Variants in EP400 observed in about 807,000 individuals in gnomAD.
EP400 encodes E1A binding protein p400, also known as E1A-binding protein p400.
EP400 carries 105 observed loss-of-function variants against 354.1 expected under a neutral mutation model. The observed-to-expected ratio is 0.30, with a 90% CI of 0.25 to 0.35. The LOEUF (loss-of-function observed/expected upper bound fraction) is 0.35, where lower values mean the gene tolerates loss of function less well. Among genes scored for constraint, EP400 ranks in the 10% least tolerant of loss-of-function variants. EP400 has a pLI of 1.00. For synonymous variants in EP400, 1,646 were observed against 1,716.9 expected, an observed-to-expected ratio of 0.96 and a Z score of 1.02; for missense variants, 3,280 against 4,121.0, an observed-to-expected ratio of 0.80 and a Z score of 5.59.
intron 10 of EP400, 116 bp downstream of exon 10, chr12:131,991,572 T>C (rs942244095): frequency 4.7e-5 from 43 of 922,340 alleles, no homozygotes; most frequent in Non-Finnish European, 3.6e-5. Flanking sequence ...ACTTCCTTTC[T>C]TTTCTTTTTT....
At chr12:131,960,292 C>T (rs886993314) in intron 1 of EP400, among the ~76,000 whole-genome samples, 1 of 152,192 alleles carries the variant, frequency 6.6e-6, no homozygotes, top group Non-Finnish European at 1.5e-5. Flanking sequence ...GAGGGATGGC[C>T]TGGTCTCTCC....
intron 39 of EP400, among the ~76,000 whole-genome samples, chr12:132,048,009 G>A (rs982026410): frequency 2.6e-5 from 4 of 152,182 alleles, no homozygotes; most frequent in African/African-American, 9.7e-5. Context: ...GCTCTGTTCC[G>A]CCTGGCTCAC....
rs551527919 is a variant in EP400 at position 131,990,405 on chromosome 12, C to T, written c.2551-231C>T. On this transcript the variant is annotated intron_variant, in intron 8 of 52. Transcript: ENST00000389561. This position sits in a 1 kb window ranked among gnomAD's most constrained non-coding sequence, Gnocchi z 4.2. ...GTCACCACCACGGTTACTTCTAGAGCGGTCGCTCGCTCACTTGCTTTCCTT... is the reference window on the plus strand; with the variant it reads ...GTCACCACCACGGTTACTTCTAGAGTGGTCGCTCGCTCACTTGCTTTCCTT... Among the ~76,000 whole-genome samples the T allele has an allele frequency of 5.9e-5, 9 of 152,306 alleles. No homozygotes were observed. The highest frequency in any genetic ancestry group is 1.4e-4 in the African/African-American group (6 of 41,566).
intron 1 of EP400, among the ~76,000 whole-genome samples, chr12:131,958,717 C>T (rs892507199): frequency 6.6e-6 from 1 of 152,120 alleles, no homozygotes; most frequent in Non-Finnish European, 1.5e-5. Context: ...GATGGGGTCT[C>T]ACTATGTTGC....
chr12:132,013,670 T>C lies in EP400; in HGVS notation c.3786+6T>C. On this transcript the variant is annotated splice_donor_region_variant and intron_variant, in intron 18 of 52. Transcript: ENST00000389561. This position sits in a 1 kb window ranked among gnomAD's most constrained non-coding sequence, Gnocchi z 4.5. The stretch of plus-strand genomic sequence containing the variant: ...TGGTCATAAGGTTACACAGGGTAGG[T>C]TGGGTTCTGCCATTTCAGTTAATTA... 6.2e-7 allele frequency: 1 copy of C among 1,607,052 alleles called. No individual in the cohort carries two copies. The highest frequency in any genetic ancestry group is 8.5e-7 in the Non-Finnish European group (1 of 1,175,600).
chr12:132,060,688 C>T (rs1489067905), intron 45 of EP400, among the ~76,000 whole-genome samples: 2 of 152,062 alleles, frequency 1.3e-5, no homozygotes, highest in African/African-American at 2.4e-5. Flanking sequence ...GAGGCCGAGG[C>T]GGGCAGATCT....
intron 9 of EP400, 114 bp from the exon 10 acceptor site, chr12:131,991,293 G>A (rs1006837911): frequency 7.1e-5 from 70 of 981,848 alleles, no homozygotes; most frequent in Non-Finnish European, 1.1e-4. Context: ...GAACTCACGC[G>A]TCCTTCCTTT....
chr12:132,074,601 G>C (rs533795982), intron 51 of EP400, among the ~76,000 whole-genome samples: 19 of 152,128 alleles, frequency 1.2e-4, no homozygotes, highest in Non-Finnish European at 2.2e-4. Flanking sequence ...GTTTGTTTAC[G>C]TGTTGCCCCT....
chr12:132,027,271 T>C lies in EP400; in HGVS notation c.5015-166T>C, dbSNP rs1894337902. On this transcript the variant is annotated intron_variant, in intron 25 of 52. Transcript: ENST00000389561. This position sits in a 1 kb window ranked among gnomAD's most constrained non-coding sequence, Gnocchi z 4.9. The stretch of plus-strand genomic sequence containing the variant: ...CATTTAAGTTTGAGCCCATGCACAT[T>C]CCAGGCATGTGCTGGTGGAGGATGA... Among the ~76,000 whole-genome samples, 1 of 152,230 alleles carries C rather than the reference T, an allele frequency of 6.6e-6. No individual in the cohort carries two copies. Among genetic ancestry groups the C allele is most frequent in the Non-Finnish European group, 1.5e-5 (1 of 68,040 alleles).
chr12:131,972,285 T>C (rs564700153), intron 2 of EP400, among the ~76,000 whole-genome samples: 1 of 152,142 alleles, frequency 6.6e-6, no homozygotes, highest in East Asian at 1.9e-4. Context: ...CCGGAGTAGC[T>C]GAGACTACAG....
rs1241130881 is a variant in EP400, at chr12:132,080,100, C to CGAT, written c.*2427_*2428insGAT. The CGAT allele has an allele frequency of 6.6e-6, 1 of 152,198 alleles. No individual in the cohort carries two copies. Among genetic ancestry groups the CGAT allele is most frequent in the Non-Finnish European group, 1.5e-5 (1 of 68,040 alleles). The allele number at this position is 152,198 out of a possible 1,614,324, so 9.4% of individuals were successfully genotyped here. On this transcript the variant is annotated 3_prime_UTR_variant, in exon 53 of 53. Transcript: ENST00000389561. Reference sequence around the variant, plus strand: ...GCAGCAGCCCGAACACTGTCAGACTCTAATTGGCGACCCTGGGAAACAGTT... The same window carrying CGAT: ...GCAGCAGCCCGAACACTGTCAGACTCGATTAATTGGCGACCCTGGGAAACAGTT...
Position 132,035,452 on chromosome 12 carries a change from G to A in EP400, c.5952-2230G>A, listed in dbSNP as rs943304949. Among the ~76,000 whole-genome samples the A allele has an allele frequency of 2.0e-5, 3 of 152,246 alleles. No homozygotes were observed. The East Asian group carries it at 5.8e-4, about 29-fold the overall frequency. On this transcript the variant is annotated intron_variant, in intron 30 of 52. Transcript: ENST00000389561. ...GGAGGACAGCAAAATGCAGAGAAGT[G>A]GGAAGTAAGGCGGACATTTTCCCCA...
chr12:132,014,921 C>T (rs1332671252), intron 19 of EP400, among the ~76,000 whole-genome samples: 1 of 152,220 alleles, frequency 6.6e-6, no homozygotes, highest in East Asian at 1.9e-4. Flanking sequence ...ACACCCCACC[C>T]CCCGTCCTGG....
At position 132,027,925 on chromosome 12, in the gene EP400, T is replaced by G; in HGVS notation, c.5110-92T>G. 1 of 1,383,070 alleles carries G rather than the reference T, an allele frequency of 7.2e-7. No homozygotes were observed. The highest frequency in any genetic ancestry group is 1.0e-6 in the Non-Finnish European group (1 of 1,001,800). 85.7% of individuals were successfully genotyped at this position (1,383,070 alleles called of 1,614,324 possible). Reference sequence around the variant, plus strand: ...GGGATATTGAAGTGGATCTCATATGTGGGAAATCACGGGCTGGGTGGGGGG... The same window carrying G: ...GGGATATTGAAGTGGATCTCATATGGGGGAAATCACGGGCTGGGTGGGGGG... On this transcript the variant is annotated intron_variant, in intron 26 of 52. Coordinates refer to ENST00000389561, the MANE Select transcript of EP400 (RefSeq NM_015409.5). The surrounding 1 kb of genome is among the most constrained non-coding windows in gnomAD (Gnocchi z 4.9).
chr12:132,058,851 A>G (rs927914342), intron 45 of EP400, among the ~76,000 whole-genome samples: 1 of 151,778 alleles, frequency 6.6e-6, no homozygotes, highest in South Asian at 2.1e-4. Flanking sequence ...CAGGGGTACA[A>G]TCACAGCTCA....
intron 32 of EP400, 93 bp from the exon 33 acceptor site, chr12:132,043,211 G>A: frequency 6.1e-6 from 8 of 1,316,984 alleles, no homozygotes; most frequent in Non-Finnish European, 8.3e-6. Flanking sequence ...TATAGTGGAG[G>A]CATCTCCATT....
chr12:132,041,465 C>T (rs1320492055), intron 32 of EP400, among the ~76,000 whole-genome samples: 1 of 152,242 alleles, frequency 6.6e-6, no homozygotes, highest in Non-Finnish European at 1.5e-5. Flanking sequence ...ACTTTCCATA[C>T]GTGGAGCCTC....
chr12:132,006,722 T>A lies in EP400; in HGVS notation c.3149T>A (p.Leu1050Ter). Residue 1050 changes from leucine to a stop codon, truncating the protein, a stop_gained, in exon 15 of 53, where the codon TTG becomes TAG. Coordinates refer to ENST00000389561, the MANE Select transcript of EP400 (RefSeq NM_015409.5). LOFTEE classifies it high-confidence loss of function. ...CAGGTCAAGTTTAATGCTCCATCTTTGTTGTATGGGGCTCTCAGAGATTAT... is the reference window on the plus strand; with the variant it reads ...CAGGTCAAGTTTAATGCTCCATCTTAGTTGTATGGGGCTCTCAGAGATTAT... ...TTSVKFNAPSLLYGALRDYQK... is the reference protein window; with the variant it reads ...TTSVKFNAPS The A allele has an allele frequency of 6.2e-7, 1 of 1,602,402 alleles. No individual in the cohort carries two copies. Among genetic ancestry groups the A allele is most frequent in the Non-Finnish European group, 8.5e-7 (1 of 1,175,896 alleles).
intron 4 of EP400, 90 bp from the exon 5 acceptor site, chr12:131,982,003 C>CTGG: frequency 1.4e-6 from 2 of 1,460,988 alleles, no homozygotes; most frequent in Non-Finnish European, 1.8e-6. Flanking sequence ...TGGACAAGCA[C>CTGG]TGGGGTGTTA....
Sources: gnomAD v4.1 joint callset for allele counts (sites outside exome capture counted in the v4.1 genomes callset) on GRCh38, gnomAD v4.1.1 for gene constraint, Gnocchi (gnomAD v3.1) non-coding constraint, MANE v1.5 for transcripts, NCBI Gene and HGNC (gene_info 2026-07-23, HGNC 2026-07-21) for gene names.